Variants in RPIA observed in about 807,000 individuals in gnomAD.
The protein encoded by RPIA is ribose 5-phosphate isomerase A.
A neutral mutation model predicts 37.8 loss-of-function variants in RPIA; 29 were observed. The observed-to-expected ratio is 0.77, with a 90% confidence interval of 0.57 to 1.05. The LOEUF (loss-of-function observed/expected upper bound fraction) is 1.05. RPIA is among the 50% of genes least tolerant of loss of function. The pLI is 0.00. For synonymous variants in RPIA, 167 were observed against 157.0 expected, an observed-to-expected ratio of 1.06 and a Z score of -0.48; for missense variants, 385 against 413.6, an observed-to-expected ratio of 0.93 and a Z score of 0.60.
chr2:88,693,598 A>C (rs1292525287), intron 1 of RPIA, among the ~76,000 whole-genome samples: 15 of 152,224 alleles, frequency 9.9e-5, no homozygotes, highest in African/African-American at 3.6e-4. Flanking sequence ...AGCCCCTTAA[A>C]GGGTAAGCTC....
At chr2:88,728,859 T>TC (rs11463712) in intron 3 of RPIA, among the ~76,000 whole-genome samples, 9,209 of 152,310 alleles carry the variant, frequency 0.06, 492 homozygotes, top group African/African-American at 0.14. Context: ...TGGAAACCAC[T>TC]CCGTGTCCAT....
intron 8 of RPIA, among the ~76,000 whole-genome samples, chr2:88,746,765 G>T (rs1313713473): frequency 6.6e-6 from 1 of 152,196 alleles, no homozygotes; most frequent in Admixed American, 6.5e-5. Flanking sequence ...TTGCCATGTG[G>T]ACAGACTCAG....
chr2:88,716,780 A>G (rs1198130441), intron 3 of RPIA, among the ~76,000 whole-genome samples: 10 of 152,200 alleles, frequency 6.6e-5, no homozygotes, highest in Non-Finnish European at 1.2e-4. Context: ...TTTGGGGGCC[A>G]AGAGAAAAAC....
intron 1 of RPIA, among the ~76,000 whole-genome samples, chr2:88,697,415 T>C (rs1672762949): frequency 6.6e-6 from 1 of 152,286 alleles, no homozygotes; most frequent in African/African-American, 2.4e-5. Flanking sequence ...GGCTTTGCCT[T>C]GCAAAGGCAG....
chr2:88,737,312 A>G (rs1212301502), intron 7 of RPIA, among the ~76,000 whole-genome samples: 1 of 152,202 alleles, frequency 6.6e-6, no homozygotes, highest in Non-Finnish European at 1.5e-5. Context: ...TTTGGAGGAT[A>G]TCGAAAAGAT....
At chr2:88,721,822 A>G (rs1417623822) in intron 3 of RPIA, among the ~76,000 whole-genome samples, 3 of 151,102 alleles carry the variant, frequency 2.0e-5, no homozygotes, top group Non-Finnish European at 4.4e-5. Context: ...TAAAATCTCT[A>G]ATAATTTATT....
chr2:88,695,146 A>T (rs35180597), intron 1 of RPIA, among the ~76,000 whole-genome samples: 41,895 of 152,020 alleles, frequency 0.28, 5,960 homozygotes, highest in Admixed American at 0.32. Flanking sequence ...CTCTTCATCC[A>T]TATCCTTCAT....
intron 3 of RPIA, among the ~76,000 whole-genome samples, chr2:88,708,817 C>A (rs978063169): frequency 6.8e-6 from 1 of 147,902 alleles, no homozygotes; most frequent in Non-Finnish European, 1.5e-5. Flanking sequence ...AGTGCAGTGG[C>A]ACGATCTTGG....
At chr2:88,730,287 G>A (rs1434369280) in intron 4 of RPIA, among the ~76,000 whole-genome samples, 1 of 89,798 alleles carries the variant, frequency 1.1e-5, no homozygotes, top group African/African-American at 1.1e-4. Context: ...GAGAATTTTA[G>A]ACCAATATCC....
At chr2:88,699,792 G>C (rs1054257930) in intron 2 of RPIA, among the ~76,000 whole-genome samples, 1 of 152,162 alleles carries the variant, frequency 6.6e-6, no homozygotes, top group African/African-American at 2.4e-5. Context: ...GCTTTCTGTG[G>C]TCAGTACTTA....
Position 88,741,377 on chromosome 2 carries a change from G to A in RPIA, c.838+3301G>A, listed in dbSNP as rs371682781. Among the ~76,000 whole-genome samples, 39 of 152,270 alleles carry A rather than the reference G, an allele frequency of 2.6e-4. No individual in the cohort carries two copies. In the South Asian group the frequency reaches 7.1e-3, roughly 28 times the overall value. Reference sequence around the variant, plus strand: ...TCTCCAACTCCATCCAGGTTGCTGTGAATGCCATTATTTCATTCCTTTTTA... The same window carrying A: ...TCTCCAACTCCATCCAGGTTGCTGTAAATGCCATTATTTCATTCCTTTTTA... On this transcript the variant is annotated intron_variant, in intron 8 of 8. Transcript: ENST00000283646.
At chr2:88,725,589 T>G (rs1460254634) in intron 3 of RPIA, among the ~76,000 whole-genome samples, 1 of 152,142 alleles carries the variant, frequency 6.6e-6, no homozygotes, top group African/African-American at 2.4e-5. Context: ...GTGTCAAAAT[T>G]TCCGCTTTTA....
intron 3 of RPIA, among the ~76,000 whole-genome samples, chr2:88,724,892 G>A (rs1479509793): frequency 1.3e-5 from 2 of 152,142 alleles, no homozygotes; most frequent in Non-Finnish European, 2.9e-5. Flanking sequence ...CTTCTACTAT[G>A]TAAGCACCAT....
At chr2:88,737,399 G>A (rs1266454055) in intron 7 of RPIA, among the ~76,000 whole-genome samples, 3 of 151,988 alleles carry the variant, frequency 2.0e-5, no homozygotes, top group African/African-American at 7.3e-5. Flanking sequence ...AAAAAAAACC[G>A]TAGTTCTGTT....
intron 3 of RPIA, among the ~76,000 whole-genome samples, chr2:88,717,821 T>TC (rs1284505034): frequency 6.6e-6 from 1 of 152,090 alleles, no homozygotes; most frequent in African/African-American, 2.4e-5. Context: ...TTTTAGCAGG[T>TC]CGTGAAGTCT....
At chr2:88,699,854 C>G (rs777861266) in intron 2 of RPIA, among the ~76,000 whole-genome samples, 155 bp from the exon 3 acceptor site, 8 of 152,160 alleles carry the variant, frequency 5.3e-5, no homozygotes, top group Non-Finnish European at 1.0e-4. Context: ...GGTACAGTCA[C>G]CAACTTTCCC....
chr2:88,735,053 G>C (rs1673298808), intron 5 of RPIA, among the ~76,000 whole-genome samples: 1 of 152,212 alleles, frequency 6.6e-6, no homozygotes, highest in African/African-American at 2.4e-5. Context: ...GATTTGGGGA[G>C]TGGTGGGAAT....
chr2:88,745,031 C>T (rs1348899691), intron 8 of RPIA, among the ~76,000 whole-genome samples: 2 of 152,132 alleles, frequency 1.3e-5, no homozygotes, highest in Non-Finnish European at 2.9e-5. Flanking sequence ...GTTCTTGGCT[C>T]ACTGCAACCT....
intron 3 of RPIA, among the ~76,000 whole-genome samples, chr2:88,725,868 G>A (rs1439307258): frequency 6.6e-6 from 1 of 152,166 alleles, no homozygotes; most frequent in Non-Finnish European, 1.5e-5. Flanking sequence ...GGGAGAGTTG[G>A]AGAACTTGCT....
Sources: gnomAD v4.1 joint callset for allele counts (sites outside exome capture counted in the v4.1 genomes callset) on GRCh38, gnomAD v4.1.1 for gene constraint, MANE v1.5 for transcripts, NCBI Gene and HGNC (gene_info 2026-07-23, HGNC 2026-07-21) for gene names.